Variants in GRID2 observed in about 807,000 individuals in gnomAD.
GRID2 encodes glutamate receptor ionotropic, delta-2.
GRID2 carries 33 observed loss-of-function variants against 114.8 expected under a neutral mutation model. That is an observed-to-expected ratio of 0.29 (90% CI 0.22 to 0.38). The LOEUF (loss-of-function observed/expected upper bound fraction) is 0.38. Among genes scored for constraint, GRID2 ranks in the 10% least tolerant of loss-of-function variants. GRID2 has a pLI of 1.00. For missense variants in GRID2, 1,184 were observed against 1,257.7 expected, an observed-to-expected ratio of 0.94 and a Z score of 0.89; for synonymous variants, 505 against 449.9, an observed-to-expected ratio of 1.12 and a Z score of -1.55.
At chr4:93,295,809 G>A (rs1370245083) in intron 8 of GRID2, among the ~76,000 whole-genome samples, 2 of 152,050 alleles carry the variant, frequency 1.3e-5, no homozygotes, top group Non-Finnish European at 2.9e-5. Context: ...TTGGATAACT[G>A]GGACTATATC....
chr4:92,907,419 AT>A (rs1207863141), intron 2 of GRID2, among the ~76,000 whole-genome samples: 7 of 151,198 alleles, frequency 4.6e-5, no homozygotes, highest in Non-Finnish European at 1.0e-4. Context: ...CCAGTTTTAA[AT>A]TTTTTTTTGA....
chr4:92,434,092 T>C (rs938217555), intron 1 of GRID2, among the ~76,000 whole-genome samples: 18 of 152,342 alleles, frequency 1.2e-4, no homozygotes, highest in Admixed American at 1.1e-3. Flanking sequence ...GATAATACGT[T>C]GTTCTCAGTT....
At chr4:93,715,238 T>A (rs1367495534) in intron 14 of GRID2, among the ~76,000 whole-genome samples, 1 of 152,116 alleles carries the variant, frequency 6.6e-6, no homozygotes, top group Non-Finnish European at 1.5e-5. Flanking sequence ...ATCAGATGGT[T>A]GTAGGAGTGC....
intron 2 of GRID2, among the ~76,000 whole-genome samples, chr4:92,607,249 A>G (rs1053422006): frequency 3.3e-5 from 5 of 152,016 alleles, no homozygotes; most frequent in African/African-American, 1.2e-4. Context: ...TAATTTAAAT[A>G]ATATGACAAA....
chr4:93,349,836 C>T (rs1016774464), intron 8 of GRID2, among the ~76,000 whole-genome samples: 1 of 151,764 alleles, frequency 6.6e-6, no homozygotes, highest in Non-Finnish European at 1.5e-5. Flanking sequence ...CTTCTCTATG[C>T]CTTAAACTCA....
intron 1 of GRID2, among the ~76,000 whole-genome samples, chr4:92,372,932 A>G (rs778678158): frequency 4.6e-5 from 7 of 152,296 alleles, no homozygotes; most frequent in Non-Finnish European, 1.0e-4. Flanking sequence ...GCCAAAATGC[A>G]TGACACTGCT....
chr4:92,419,667 T>G (rs1731797719), intron 1 of GRID2, among the ~76,000 whole-genome samples: 1 of 152,030 alleles, frequency 6.6e-6, no homozygotes, highest in African/African-American at 2.4e-5. Context: ...GGGAAGAGAA[T>G]GAGCAAAGCT....
chr4:93,120,391 T>C (rs1221653956), intron 4 of GRID2, among the ~76,000 whole-genome samples: 5 of 152,074 alleles, frequency 3.3e-5, no homozygotes, highest in African/African-American at 7.2e-5. Context: ...GTGGCACATA[T>C]ACACCATGGA....
intron 8 of GRID2, among the ~76,000 whole-genome samples, chr4:93,260,219 A>C (rs1230923367): frequency 6.6e-6 from 1 of 151,696 alleles, no homozygotes; most frequent in Non-Finnish European, 1.5e-5. Context: ...TCACAAAAGC[A>C]ATTTTACATT....
intron 10 of GRID2, among the ~76,000 whole-genome samples, chr4:93,426,236 A>G (rs987150227): frequency 6.6e-6 from 1 of 152,188 alleles, no homozygotes; most frequent in Non-Finnish European, 1.5e-5. Context: ...GTTATTTTTA[A>G]TACAAAATGG....
At chr4:92,426,586 TC>T (rs1732166622) in intron 1 of GRID2, among the ~76,000 whole-genome samples, 1 of 152,132 alleles carries the variant, frequency 6.6e-6, no homozygotes, top group Non-Finnish European at 1.5e-5. Flanking sequence ...TAAGTGAGGT[TC>T]TGTAGATACT....
chr4:92,875,923 T>A (rs923070885), intron 2 of GRID2, among the ~76,000 whole-genome samples: 5 of 152,146 alleles, frequency 3.3e-5, no homozygotes, highest in African/African-American at 1.2e-4. Context: ...CTCTATTAGT[T>A]CAATTGAGGA....
At chr4:92,367,900 C>A (rs1728948457) in intron 1 of GRID2, among the ~76,000 whole-genome samples, 1 of 151,204 alleles carries the variant, frequency 6.6e-6, no homozygotes, top group Non-Finnish European at 1.5e-5. Flanking sequence ...CAAATGATCT[C>A]TTGAAAATGA....
chr4:93,024,355 G>C (rs900406592), intron 2 of GRID2, among the ~76,000 whole-genome samples: 1 of 151,626 alleles, frequency 6.6e-6, no homozygotes, highest in Admixed American at 6.6e-5. Flanking sequence ...TGTAGGAATA[G>C]CTTATGGGGC....
intron 1 of GRID2, among the ~76,000 whole-genome samples, chr4:92,388,233 GT>G (rs1459742575): frequency 6.6e-6 from 1 of 151,990 alleles, no homozygotes; most frequent in African/African-American, 2.4e-5. Context: ...AGGTGGAGGG[GT>G]TTTAACCTTT....
At chr4:92,489,744 G>A (rs914553261) in intron 1 of GRID2, among the ~76,000 whole-genome samples, 8 of 152,042 alleles carry the variant, frequency 5.3e-5, no homozygotes, top group Middle Eastern at 3.4e-3. Flanking sequence ...TACTCAGGCG[G>A]CTGAGGCAGG....
chr4:92,496,824 G>C (rs1257479015), intron 1 of GRID2, among the ~76,000 whole-genome samples: 3 of 151,504 alleles, frequency 2.0e-5, no homozygotes, highest in Non-Finnish European at 4.4e-5. Context: ...CTAAATATGA[G>C]ACATGTTTGT....
intron 2 of GRID2, chr4:92,822,875 T>C (rs1027759399): frequency 2.0e-5 from 3 of 152,618 alleles, no homozygotes; most frequent in Admixed American, 6.6e-5. Flanking sequence ...TACTCAGGTA[T>C]TGTGGCCTTC....
In GRID2 at chr4:92,304,611, A is replaced by C; in HGVS notation, c.-46A>C. 1.4e-6 allele frequency: 2 copies of C among 1,401,504 alleles called. No homozygotes were observed. The highest frequency in any genetic ancestry group is 2.0e-6 in the Non-Finnish European group (2 of 986,918). 86.8% of individuals were successfully genotyped at this position (1,401,504 alleles called of 1,614,324 possible). A position where few individuals can be genotyped will look rare whatever the true frequency, so the allele number is the denominator to read the frequency against. On this transcript the variant is annotated 5_prime_UTR_variant, in exon 1 of 16. Coordinates refer to ENST00000282020, the MANE Select transcript of GRID2 (RefSeq NM_001510.4). ...CTCTTTGGACTGTTTGAAAAAAAAA[A>C]AATTGGAAGAAAATCCATCCTCCAA... is the stretch of plus-strand genomic sequence containing the variant.
Sources: gnomAD v4.1 joint callset for allele counts (sites outside exome capture counted in the v4.1 genomes callset) on GRCh38, gnomAD v4.1.1 for gene constraint, MANE v1.5 for transcripts, NCBI Gene and HGNC (gene_info 2026-07-23, HGNC 2026-07-21) for gene names.